The following CHN2 variants were observed in gnomAD, a reference collection of about 807,000 sequenced individuals.
CHN2 encodes chimerin 2.
In CHN2, 35 loss-of-function variants were observed where a neutral mutation model predicts 56.3. The ratio of observed to expected loss-of-function variants is 0.62; its 90% confidence interval spans 0.47 to 0.82. CHN2 has a LOEUF of 0.82. Among genes scored for constraint, CHN2 ranks in the 40% least tolerant of loss-of-function variants. CHN2 has a pLI of 0.00. For synonymous variants in CHN2, 210 were observed against 212.8 expected, an observed-to-expected ratio of 0.99 and a Z score of 0.12; for missense variants, 491 against 580.5, an observed-to-expected ratio of 0.85 and a Z score of 1.58.
intron 2 of CHN2, chr7:29,148,798 A>G (rs1793135556): frequency 6.6e-6 from 1 of 152,212 alleles, no homozygotes; most frequent in Non-Finnish European, 1.5e-5. Context: ...TGAAGGGGAC[A>G]CACAGATTGA....
chr7:29,308,461 G>A (rs1457364273), intron 1 of CHN2, among the ~76,000 whole-genome samples: 1 of 28,192 alleles, frequency 3.5e-5, no homozygotes, highest in African/African-American at 4.3e-4. Flanking sequence ...AAGGTGGTTG[G>A]GGTGTGTGTG....
intron 1 of CHN2, among the ~76,000 whole-genome samples, chr7:29,312,663 G>T (rs990164167): frequency 1.3e-5 from 2 of 152,082 alleles, no homozygotes; most frequent in African/African-American, 2.4e-5. Context: ...GCTTACTGCC[G>T]TAGAGAGAGT....
intron 6 of CHN2, among the ~76,000 whole-genome samples, chr7:29,427,271 G>A (rs551384693): frequency 6.6e-6 from 1 of 152,188 alleles, no homozygotes; most frequent in African/African-American, 2.4e-5. Context: ...AACTGAGATT[G>A]TGCCACTGCA....
chr7:29,294,353 T>G (rs1220045318), intron 1 of CHN2, among the ~76,000 whole-genome samples: 3 of 152,120 alleles, frequency 2.0e-5, no homozygotes, highest in African/African-American at 4.8e-5. Flanking sequence ...AGATTTATAA[T>G]TTTCTTACAG....
intron 7 of CHN2, among the ~76,000 whole-genome samples, chr7:29,485,115 G>A (rs1247455462): frequency 6.6e-6 from 1 of 152,128 alleles, no homozygotes; most frequent in Non-Finnish European, 1.5e-5. Context: ...TAGCTGGTGA[G>A]CTTCCATTTT....
At chr7:29,328,609 A>G (rs1453320811) in intron 1 of CHN2, among the ~76,000 whole-genome samples, 1 of 152,032 alleles carries the variant, frequency 6.6e-6, no homozygotes, top group African/African-American at 2.4e-5. Flanking sequence ...TAGGCAGGAA[A>G]AAAACCTTCA....
At position 29,461,612 on chromosome 7, in the gene CHN2, G is replaced by A. The variant is rs78311606; in HGVS notation, c.577-18667G>A. On this transcript the variant is annotated intron_variant, in intron 6 of 12. Coordinates refer to ENST00000222792, the MANE Select transcript of CHN2 (RefSeq NM_004067.4). ...TGTTTCATGTGTGAAGCACAGTAAT[G>A]ATGAACAGCAAAGCTTTAGAGATGT... Among the ~76,000 whole-genome samples the A allele has an allele frequency of 4.0e-3, 602 of 152,354 alleles. 1 individual carries two copies. The highest frequency in any genetic ancestry group is 0.014 in the Middle Eastern group (4 of 294).
chr7:29,463,421 C>T (rs1400863123), intron 6 of CHN2, among the ~76,000 whole-genome samples: 1 of 152,052 alleles, frequency 6.6e-6, no homozygotes, highest in Non-Finnish European at 1.5e-5. Context: ...GTGATAGCCA[C>T]CATGCTTCCA....
chr7:29,212,881 A>G (rs1255944889), intron 1 of CHN2: 8 of 1,610,664 alleles, frequency 5.0e-6, no homozygotes, highest in Middle Eastern at 1.7e-4. Flanking sequence ...GAACCTTCCA[A>G]TGTGGAGCAA....
At chr7:29,252,586 T>G (rs1179685441) in intron 1 of CHN2, among the ~76,000 whole-genome samples, 3 of 28,904 alleles carry the variant, frequency 1.0e-4, no homozygotes, top group Middle Eastern at 0.012. Flanking sequence ...TTGTTTTTTT[T>G]TTTTTTTTTT....
Position 29,236,868 on chromosome 7 carries a change from T to G in CHN2, c.49+41878T>G, listed in dbSNP as rs1174019973. Among the ~76,000 whole-genome samples the G allele has an allele frequency of 2.6e-5, 4 of 152,176 alleles. No homozygotes were observed. In the East Asian group the frequency reaches 7.7e-4, roughly 29 times the overall value. On this transcript the variant is annotated intron_variant, in intron 1 of 12. Transcript: ENST00000222792. ...TGCTTCTGTCATCACTTCTCTTGAC[T>G]CCTGCCTCCCTTTTATAAAGCCTCT... is the stretch of plus-strand genomic sequence containing the variant.
intron 1 of CHN2, among the ~76,000 whole-genome samples, chr7:29,346,928 G>A (rs1275720555): frequency 6.6e-6 from 1 of 152,148 alleles, no homozygotes. Flanking sequence ...AGCTAAAAAT[G>A]CCTGGAAGAA....
rs541792526 is a variant in CHN2 at position 29,442,934 on chromosome 7, C to CTTTTTTTTTTTTTTTT, written c.577-37343_577-37328dup. On this transcript the variant is annotated intron_variant, in intron 6 of 12. Coordinates refer to ENST00000222792, the MANE Select transcript of CHN2 (RefSeq NM_004067.4). ...CATCGCTTTCAATTTCATTGAATTT[C>CTTTTTTTTTTTTTTTT]TTTTTTTTTTTTTTTTTGAGACGGA... Among the ~76,000 whole-genome samples, 76 of 103,038 alleles carry CTTTTTTTTTTTTTTTT rather than the reference C, an allele frequency of 7.4e-4. 3 individuals carry two copies. Among genetic ancestry groups the CTTTTTTTTTTTTTTTT allele is most frequent in the Admixed American group, 1.5e-3 (15 of 9,812 alleles). The allele number at this position is 103,038 out of a possible 152,430, so 67.6% of individuals were successfully genotyped here. A position where few individuals can be genotyped will look rare whatever the true frequency, so the allele number is the denominator to read the frequency against.
intron 6 of CHN2, among the ~76,000 whole-genome samples, chr7:29,412,426 G>A (rs1463826370): frequency 6.9e-6 from 1 of 144,726 alleles, no homozygotes; most frequent in Non-Finnish European, 1.5e-5. Flanking sequence ...TCATCTCCCG[G>A]GTTCAAGTGA....
intron 1 of CHN2, among the ~76,000 whole-genome samples, chr7:29,333,790 C>A (rs111341811): frequency 0.024 from 3,646 of 152,130 alleles, 138 homozygotes; most frequent in African/African-American, 0.083. Flanking sequence ...CAGTGGCTGC[C>A]GGAAGCAGTA....
At position 29,317,013 on chromosome 7, in the gene CHN2, G is replaced by A. The variant is rs187918320; in HGVS notation, c.50-37612G>A. 6.6e-5 allele frequency among the ~76,000 whole-genome samples: 10 copies of A among 152,268 alleles called. No homozygotes were observed. In the South Asian group the frequency reaches 1.0e-3, roughly 16 times the overall value. On this transcript the variant is annotated intron_variant, in intron 1 of 12. Coordinates refer to ENST00000222792, the MANE Select transcript of CHN2 (RefSeq NM_004067.4). ...AAACAAATTGTTCTTTTGAATTTCT[G>A]AACAATAATAATTTGCTTAAGACAT...
intron 1 of CHN2, among the ~76,000 whole-genome samples, chr7:29,235,833 C>T (rs1787150877): frequency 6.6e-6 from 1 of 152,152 alleles, no homozygotes; most frequent in Admixed American, 6.6e-5. Context: ...GGGAGCTAAA[C>T]ACTGCATACA....
chr7:29,490,370 A>G (rs1169039440), intron 7 of CHN2, among the ~76,000 whole-genome samples: 1 of 152,118 alleles, frequency 6.6e-6, no homozygotes, highest in Non-Finnish European at 1.5e-5. Flanking sequence ...TCTCCATTAT[A>G]CTACCATAGG....
chr7:29,300,053 C>T (rs1413711950), intron 1 of CHN2, among the ~76,000 whole-genome samples: 9 of 152,186 alleles, frequency 5.9e-5, no homozygotes, highest in African/African-American at 1.7e-4. Context: ...GGACTGGAGC[C>T]GTGGGATGTT....
Sources: allele counts gnomAD v4.1 joint callset (sites outside exome capture counted in the v4.1 genomes callset), GRCh38; gene constraint gnomAD v4.1.1; transcripts MANE v1.5; gene names NCBI Gene and HGNC (gene_info 2026-07-23, HGNC 2026-07-21).